Variants in SHOX observed in about 807,000 individuals in gnomAD.
SHOX encodes SHOX homeobox.
A neutral mutation model predicts 29.6 loss-of-function variants in SHOX; 12 were observed. The observed-to-expected ratio is 0.41, with a 90% confidence interval of 0.26 to 0.66. The LOEUF is 0.66. Among genes scored for constraint, SHOX ranks in the 30% least tolerant of loss-of-function variants. The pLI is 0.35. For missense variants in SHOX, 499 were observed against 437.7 expected, an observed-to-expected ratio of 1.14 and a Z score of -1.25; for synonymous variants, 214 against 200.6, an observed-to-expected ratio of 1.07 and a Z score of -0.57.
intron 4 of SHOX, among the ~76,000 whole-genome samples, chrX:644,097 G>T (rs2052918258): frequency 6.6e-6 from 1 of 152,128 alleles, no homozygotes; most frequent in Admixed American, 6.5e-5. Flanking sequence ...TGCGAAGAGA[G>T]CGCATCGGGA....
chrX:634,527 C>CT, intron 1 of SHOX, 91 bp from the exon 2 acceptor site: 1 of 1,377,930 alleles, frequency 7.3e-7, no homozygotes, highest in Non-Finnish European at 1.0e-6. Flanking sequence ...TTTTCGAGGG[C>CT]CCCCTTTCCA....
At chrX:657,685 A>G (rs1229469356) in intron 5 of SHOX, among the ~76,000 whole-genome samples, 5 of 152,182 alleles carry the variant, frequency 3.3e-5, no homozygotes, top group African/African-American at 7.2e-5. Context: ...TCCCCAGGGA[A>G]CCGTAACCCG....
rs1398738646 is a variant in SHOX at position 645,388 on chromosome X, G to GTTTTTTT, written c.*753_*754insTTTTTTT. 2.6e-4 allele frequency: 20 copies of GTTTTTTT among 77,752 alleles called. 2 individuals are homozygous for GTTTTTTT. Among genetic ancestry groups the GTTTTTTT allele is most frequent in the South Asian group, 5.2e-4 (1 of 1,936 alleles). The allele number at this position is 77,752 out of a possible 1,614,324, so 4.8% of individuals were successfully genotyped here. On this transcript the variant is annotated 3_prime_UTR_variant, in exon 5 of 5. Transcript: ENST00000686671. ...TTGGGTCTGGTTTTGTTTTGGATTG[G>GTTTTTTT]TATTTTTTTTTTTTTTTTTTTTTTT...
In SHOX at chrX:635,338, C is replaced by T. The variant is rs148249500; in HGVS notation, c.486+512C>T. Among the ~76,000 whole-genome samples the T allele has an allele frequency of 8.8e-3, 1,340 of 152,280 alleles. 28 individuals carry two copies. The highest frequency in any genetic ancestry group is 0.031 in the African/African-American group (1,279 of 41,556). On this transcript the variant is annotated intron_variant, in intron 2 of 4. Coordinates refer to ENST00000686671, the MANE Select transcript of SHOX (RefSeq NM_000451.4). Reference sequence around the variant, plus strand: ...ATGTGTCTTTTGGCCCCTGATTCCCCTCCGTCTTCCCGTGTGGCTGCATTG... The same window carrying T: ...ATGTGTCTTTTGGCCCCTGATTCCCTTCCGTCTTCCCGTGTGGCTGCATTG...
At position 644,871 on chromosome X, in the gene SHOX, C is replaced by G. The variant is rs2052936863; in HGVS notation, c.*235C>G. 5.7e-6 allele frequency: 3 copies of G among 523,358 alleles called. No individual in the cohort carries two copies. The highest frequency in any genetic ancestry group is 6.2e-6 in the Non-Finnish European group (2 of 320,670). 32.4% of individuals were successfully genotyped at this position (523,358 alleles called of 1,614,324 possible). On this transcript the variant is annotated 3_prime_UTR_variant, in exon 5 of 5. Transcript: ENST00000686671. ...GCGGAGCGGGTGAGCGGCCGTGCGT[C>G]CAGCCCGGGCCTCTCCAAGGCTGCC...
upstream of SHOX, chrX:630,751 G>C: frequency 9.7e-7 from 1 of 1,027,760 alleles, no homozygotes; most frequent in Non-Finnish European, 1.5e-6. Context: ...GGCTGGGCGA[G>C]GTCGCCGCGT....
chrX:643,371 G>A, intron 4 of SHOX, among the ~76,000 whole-genome samples: 1 of 149,056 alleles, frequency 6.7e-6, no homozygotes, highest in Non-Finnish European at 1.5e-5. Context: ...TGGTGTCCCG[G>A]GAGAGGCTTG....
Position 630,830 on chromosome X carries a change from C to G in SHOX, c.-68C>G. The G allele has an allele frequency of 1.3e-6, 2 of 1,591,316 alleles. No individual in the cohort carries two copies. On this transcript the variant is annotated 5_prime_UTR_variant, in exon 1 of 5. Coordinates refer to ENST00000686671, the MANE Select transcript of SHOX (RefSeq NM_000451.4). ...TGGTGATCCACCCGCGCGCACGGGC[C>G]GTCCTCTCCGCGCGGGGAGACGCGC...
At chrX:629,917 A>G (rs910451642), upstream of SHOX, among the ~76,000 whole-genome samples, 48 of 152,328 alleles carry the variant, frequency 3.2e-4, no homozygotes, top group African/African-American at 1.1e-3. Context: ...CCCACCATGA[A>G]AACCAAAAAC....
At position 641,123 on chromosome X, in the gene SHOX, G is replaced by A. The variant is rs368415030; in HGVS notation, c.633+36G>A. On this transcript the variant is annotated intron_variant, in intron 4 of 4. Coordinates refer to ENST00000686671, the MANE Select transcript of SHOX (RefSeq NM_000451.4). ...TTTTCTTCCTCTGAAGATCCCTAGGGACCTGCTGCTCCCTTCCCCTTTCCC... is the reference window on the plus strand; with the variant it reads ...TTTTCTTCCTCTGAAGATCCCTAGGAACCTGCTGCTCCCTTCCCCTTTCCC... The A allele has an allele frequency of 2.0e-4, 314 of 1,588,496 alleles. 2 individuals carry two copies. Among genetic ancestry groups the A allele is most frequent in the South Asian group, 1.3e-3 (122 of 90,490 alleles).
intron 2 of SHOX, among the ~76,000 whole-genome samples, chrX:635,481 C>T (rs1254542068): frequency 6.6e-6 from 1 of 152,176 alleles, no homozygotes; most frequent in Non-Finnish European, 1.5e-5. Context: ...CCTCCCCTCT[C>T]CAGCCCTGTC....
Position 644,688 on chromosome X carries a change from C to A in SHOX, c.*52C>A. ...GGACTCCCGGGCTCCGCGCACCCCG[C>A]CTGCACCGCGCGTCCTGCACTCAAC... On this transcript the variant is annotated 3_prime_UTR_variant, in exon 5 of 5. Coordinates refer to ENST00000686671, the MANE Select transcript of SHOX (RefSeq NM_000451.4). 1 of 1,377,038 alleles carries A rather than the reference C, an allele frequency of 7.3e-7. No homozygotes were observed. The highest frequency in any genetic ancestry group is 3.9e-5 in the Admixed American group (1 of 25,656). 85.3% of individuals were successfully genotyped at this position (1,377,038 alleles called of 1,614,324 possible). A position where few individuals can be genotyped will look rare whatever the true frequency, so the allele number is the denominator to read the frequency against.
chrX:644,279 G>A, intron 4 of SHOX, 112 bp from the exon 5 acceptor site: 1 of 1,315,326 alleles, frequency 7.6e-7, no homozygotes, highest in Non-Finnish European at 9.9e-7. Flanking sequence ...TGGAGAAGGG[G>A]CGACGCTCCC....
In SHOX at chrX:649,301, A is replaced by G. The variant is rs2053017568; in HGVS notation, c.*4665A>G. On this transcript the variant is annotated 3_prime_UTR_variant, in exon 5 of 5. Coordinates refer to ENST00000686671, the MANE Select transcript of SHOX (RefSeq NM_000451.4). The stretch of plus-strand genomic sequence containing the variant: ...TGATCCACCCGCCTCAGCCTCCCAG[A>G]GTGCTGGGATTACGGGGTGAGGCAC... Among the ~76,000 whole-genome samples the G allele has an allele frequency of 6.6e-6, 1 of 152,016 alleles. No homozygotes were observed. The highest frequency in any genetic ancestry group is 2.1e-4 in the South Asian group (1 of 4,804).
intron 1 of SHOX, among the ~76,000 whole-genome samples, chrX:632,752 C>G (rs2052673413): frequency 6.6e-6 from 1 of 152,152 alleles, no homozygotes; most frequent in African/African-American, 2.4e-5. Context: ...GAGAGGAGTT[C>G]CTCCCTACAC....
rs1430101990 is a variant in SHOX at position 650,124 on chromosome X, C to T, written c.*5488C>T. On this transcript the variant is annotated 3_prime_UTR_variant, in exon 5 of 5. Coordinates refer to ENST00000686671, the MANE Select transcript of SHOX (RefSeq NM_000451.4). ...TTTCACAGGCAGTGGTGACAGGGCC[C>T]CTTGGCTGTGGCTGTCTTCTCCAGC... The T allele has an allele frequency of 4.9e-5, 21 of 425,972 alleles. No individual in the cohort carries two copies. The highest frequency in any genetic ancestry group is 3.7e-4 in the South Asian group (21 of 57,464). The allele number at this position is 425,972 out of a possible 1,614,324, so 26.4% of individuals were successfully genotyped here. A position where few individuals can be genotyped will look rare whatever the true frequency, so the allele number is the denominator to read the frequency against.
intron 1 of SHOX, 33 bp from the exon 2 acceptor site, chrX:634,585 G>C (rs775926665): frequency 6.2e-7 from 1 of 1,609,204 alleles, no homozygotes; most frequent in African/African-American, 1.3e-5. Context: ...AACCTCCCCG[G>C]CCTCAGCCCT....
intron 2 of SHOX, among the ~76,000 whole-genome samples, chrX:635,807 A>G (rs1213516069): frequency 1.3e-5 from 2 of 151,124 alleles, no homozygotes; most frequent in South Asian, 2.1e-4. Context: ...TGGAAGGTCA[A>G]CTCCTCTAGT....
intron 2 of SHOX, among the ~76,000 whole-genome samples, chrX:635,864 G>C (rs1326590912): frequency 6.8e-6 from 1 of 148,084 alleles, no homozygotes; most frequent in African/African-American, 2.6e-5. Flanking sequence ...GAGGGAGAGA[G>C]AGAGAGAGAG....
Sources: allele counts gnomAD v4.1 joint callset (sites outside exome capture counted in the v4.1 genomes callset), GRCh38; gene constraint gnomAD v4.1.1; transcripts MANE v1.5; gene names NCBI Gene and HGNC (gene_info 2026-07-23, HGNC 2026-07-21).